Variants in TMC2 observed in about 807,000 individuals in gnomAD.
TMC2 encodes the protein transmembrane channel like 2.
A neutral mutation model predicts 105.9 loss-of-function variants in TMC2; 102 were observed. The ratio of observed to expected loss-of-function variants is 0.96; its 90% CI spans 0.82 to 1.14. The LOEUF (loss-of-function observed/expected upper bound fraction) is 1.14. Among genes scored for constraint, TMC2 ranks in the 50% most tolerant of loss-of-function variants. The pLI is 0.00. For synonymous variants in TMC2, 402 were observed against 422.8 expected (o/e 0.95, Z 0.60); for missense variants, 1,093 against 1,134.3 (o/e 0.96, Z 0.52).
At chr20:2,566,613 G>A (rs1457748063) in intron 4 of TMC2, among the ~76,000 whole-genome samples, 1 of 152,184 alleles carries the variant, frequency 6.6e-6, no homozygotes, top group Non-Finnish European at 1.5e-5. Flanking sequence ...GGTAGATGGA[G>A]TAGAGACGCT....
At chr20:2,573,158 C>T (rs1188421534) in intron 5 of TMC2, among the ~76,000 whole-genome samples, 1 of 152,150 alleles carries the variant, frequency 6.6e-6, no homozygotes, top group Non-Finnish European at 1.5e-5. Flanking sequence ...AAAAAAATGT[C>T]TTGGCTGTCT....
chr20:2,603,529 C>G (rs1211573623), intron 11 of TMC2, among the ~76,000 whole-genome samples: 1 of 152,116 alleles, frequency 6.6e-6, no homozygotes, highest in Non-Finnish European at 1.5e-5. Flanking sequence ...TTATAATTAA[C>G]CCATCTAAAA....
intron 7 of TMC2, among the ~76,000 whole-genome samples, chr20:2,587,650 C>T (rs1262850002): frequency 6.6e-6 from 1 of 151,834 alleles, no homozygotes; most frequent in East Asian, 1.9e-4. Flanking sequence ...TTATGTTGTA[C>T]AAAATGCTGT....
chr20:2,628,598 C>T (rs1033421171), intron 17 of TMC2, among the ~76,000 whole-genome samples: 1 of 152,012 alleles, frequency 6.6e-6, no homozygotes, highest in Non-Finnish European at 1.5e-5. Flanking sequence ...AGTGAGTTCT[C>T]ACAAGATCTG....
rs1233714849 is a variant in TMC2, at chr20:2,612,270, G to A, written c.1673G>A (p.Ser558Asn). ...TACAACTCTTCTGGTTGGAACGAGA[G>A]TGTCCCCCGACCACCCCTGCACCCT... Reference protein sequence around the residue: ...NYYNSSGWNESVPRPPLHPAD... With the variant: ...NYYNSSGWNENVPRPPLHPAD... Residue 558 changes from serine (S) to asparagine (N), a missense_variant, in exon 13 of 20, where the codon AGT becomes AAT. Ser to Asn is a conservative substitution (Grantham distance 46, BLOSUM62 1). Coordinates refer to ENST00000358864, the MANE Select transcript of TMC2 (RefSeq NM_080751.3). 1.9e-6 allele frequency: 3 copies of A among 1,612,698 alleles called. No individual in the cohort carries two copies. Among genetic ancestry groups the A allele is most frequent in the Middle Eastern group, 1.6e-4 (1 of 6,080 alleles).
intron 2 of TMC2, among the ~76,000 whole-genome samples, chr20:2,552,806 G>A (rs547245668): frequency 2.0e-5 from 3 of 152,154 alleles, no homozygotes; most frequent in East Asian, 3.9e-4. Context: ...ATGAGCCACC[G>A]TGACCTGCCA....
At chr20:2,611,886 G>GGA (rs746229522) in intron 12 of TMC2, among the ~76,000 whole-genome samples, 37 of 87,492 alleles carry the variant, frequency 4.2e-4, no homozygotes, top group East Asian at 7.5e-4. Flanking sequence ...GGGTGGGTGG[G>GGA]TGGATGGATG....
At chr20:2,628,739 A>T (rs4571132) in intron 17 of TMC2, among the ~76,000 whole-genome samples, 114,779 of 152,160 alleles carry the variant, frequency 0.75, 43,433 homozygotes, top group East Asian at 0.87. Flanking sequence ...CATGCTGAAC[A>T]GTGAGTCAAT....
chr20:2,608,300 T>TTTATTATTATTA lies in TMC2; in HGVS notation c.1414-2086_1414-2075dup, dbSNP rs61608674. On this transcript the variant is annotated intron_variant, in intron 11 of 19. Transcript: ENST00000358864. ...CTTCCCAGTTGTACCCTTATTTTTA[T>TTTATTATTATTA]TTATTATTATTATTATTATTATTAT... 3.8e-3 allele frequency among the ~76,000 whole-genome samples: 509 copies of TTTATTATTATTA among 134,592 alleles called. 3 individuals carry two copies. The highest frequency in any genetic ancestry group is 4.9e-3 in the African/African-American group (181 of 37,144). 88.3% of individuals were successfully genotyped at this position (134,592 alleles called of 152,430 possible).
At chr20:2,625,369 G>T (rs2086556875) in intron 17 of TMC2, among the ~76,000 whole-genome samples, 2 of 152,148 alleles carry the variant, frequency 1.3e-5, no homozygotes, top group Admixed American at 1.3e-4. Context: ...TGCACTTCAA[G>T]CCCCACTCAA....
Position 2,613,363 on chromosome 20 carries a change from C to T in TMC2, c.1872+41C>T, listed in dbSNP as rs772563441. 1.8e-5 allele frequency: 29 copies of T among 1,613,272 alleles called. No individual in the cohort carries two copies. The African/African-American group carries it at 2.4e-4, about 13-fold the overall frequency. The stretch of plus-strand genomic sequence containing the variant: ...ATGGACATTCCGCACAAAGGAATTT[C>T]AACTATCTTCTTTGATACTTATAGC... On this transcript the variant is annotated intron_variant, in intron 14 of 19. Transcript: ENST00000358864.
In TMC2 at chr20:2,642,968, A is replaced by T. The variant is rs2086698737; in HGVS notation, c.*1617A>T. ...GCAGAGAGACGAAGATTTTTACAGC[A>T]ATTTCATAAGCTGTACAATTAAAAT... On this transcript the variant is annotated 3_prime_UTR_variant, in exon 20 of 20. Transcript: ENST00000358864. Among the ~76,000 whole-genome samples, 1 of 152,240 alleles carries T rather than the reference A, an allele frequency of 6.6e-6. No individual in the cohort carries two copies. The highest frequency in any genetic ancestry group is 1.5e-5 in the Non-Finnish European group (1 of 68,016).
rs2086691461 is a variant in TMC2 at position 2,641,741 on chromosome 20, G to A, written c.*390G>A. 1 of 195,082 alleles carries A rather than the reference G, an allele frequency of 5.1e-6. No homozygotes were observed. The highest frequency in any genetic ancestry group is 5.3e-5 in the Admixed American group (1 of 18,954). The allele number at this position is 195,082 out of a possible 1,614,324, so 12.1% of individuals were successfully genotyped here. ...GGGTTTCTGCCAGCTTCCCTAACCAGGAGGGGGATGGAGAAGGGCCTACAT... is the reference window on the plus strand; with the variant it reads ...GGGTTTCTGCCAGCTTCCCTAACCAAGAGGGGGATGGAGAAGGGCCTACAT... On this transcript the variant is annotated 3_prime_UTR_variant, in exon 20 of 20. Transcript: ENST00000358864.
At chr20:2,586,055 A>G (rs2086229078) in intron 7 of TMC2, among the ~76,000 whole-genome samples, 1 of 152,204 alleles carries the variant, frequency 6.6e-6, no homozygotes. Flanking sequence ...TCTGGTCCTC[A>G]GTGATTCACA....
chr20:2,604,090 C>T (rs1214292660), intron 11 of TMC2, among the ~76,000 whole-genome samples: 1 of 152,226 alleles, frequency 6.6e-6, no homozygotes, highest in Non-Finnish European at 1.5e-5. Flanking sequence ...GTCCAGAAGT[C>T]ATTCAGGCAC....
intron 7 of TMC2, among the ~76,000 whole-genome samples, chr20:2,583,463 CTTTT>C (rs372290962): frequency 7.2e-6 from 1 of 138,398 alleles, no homozygotes; most frequent in Non-Finnish European, 1.6e-5. Flanking sequence ...CACATAAGCA[CTTTT>C]TTTTTTTTTT....
At chr20:2,635,844 C>T in intron 17 of TMC2, 82 bp from the exon 18 acceptor site, 2 of 1,097,042 alleles carry the variant, frequency 1.8e-6, no homozygotes, top group Non-Finnish European at 2.8e-6. Flanking sequence ...AGGAATCCTG[C>T]CCTGATTCCC....
intron 2 of TMC2, 39 bp downstream of exon 2, chr20:2,537,355 G>T: frequency 5.9e-6 from 9 of 1,537,778 alleles, no homozygotes; most frequent in Non-Finnish European, 8.0e-6. Context: ...AGCCTGCAGT[G>T]CCTGGGTGCC....
rs1178913054 is a variant in TMC2 at position 2,617,311 on chromosome 20, G to A, written c.2180G>A (p.Ser727Asn). The change falls in exon 16 of 20, where the codon AGT (serine) becomes AAT (asparagine). Residue 727 changes from serine to asparagine, a missense_variant and splice_region_variant. By Grantham distance (46) the Ser-to-Asn change is conservative. Transcript: ENST00000358864. ...CCCTCCTTTGACTGCGGGCCGTTCA[G>A]GTGCAGAGTCTCAGTTGCCCGGGAG... ...LPPSFDCGPFSGKNRMYDVLQ... is the reference protein window; with the variant it reads ...LPPSFDCGPFNGKNRMYDVLQ... 4 of 1,614,010 alleles carry A rather than the reference G, an allele frequency of 2.5e-6. No homozygotes were observed. In the Admixed American group the frequency reaches 6.7e-5, roughly 27 times the overall value.
Sources: allele counts gnomAD v4.1 joint callset (sites outside exome capture counted in the v4.1 genomes callset), GRCh38; gene constraint gnomAD v4.1.1; transcripts MANE v1.5; gene names NCBI Gene and HGNC (gene_info 2026-07-23, HGNC 2026-07-21).